THSD7A: variants seen among roughly 807,000 people sequenced by gnomAD.
THSD7A encodes the protein thrombospondin type 1 domain containing 7A, also known as thrombospondin type-1 domain-containing protein 7A.
A neutral mutation model predicts 231.3 loss-of-function variants in THSD7A; 96 were observed. The ratio of observed to expected loss-of-function variants is 0.41; its 90% confidence interval spans 0.35 to 0.49. The LOEUF (loss-of-function observed/expected upper bound fraction) is 0.49, where lower values mean the gene tolerates loss of function less well. Among genes scored for constraint, THSD7A ranks in the 20% least tolerant of loss-of-function variants. The pLI is 0.05. For synonymous variants in THSD7A, 940 were observed against 743.3 expected (o/e 1.26, Z -4.30); for missense variants, 2,290 against 2,070.2 (o/e 1.11, Z -2.06).
chr7:11,379,015 G>A, intron 26 of THSD7A, 55 bp downstream of exon 26: 3 of 1,543,394 alleles, frequency 1.9e-6, no homozygotes, highest in Non-Finnish European at 2.7e-6. Context: ...TAATCCTTTG[G>A]CATTGCCTAA....
At chr7:11,522,831 A>G (rs1439225508) in intron 6 of THSD7A, among the ~76,000 whole-genome samples, 3 of 152,156 alleles carry the variant, frequency 2.0e-5, no homozygotes, top group Non-Finnish European at 4.4e-5. Context: ...AAAAATATCA[A>G]TTCATAGCAC....
chr7:11,790,214 A>G (rs1209723896), intron 1 of THSD7A, among the ~76,000 whole-genome samples: 1 of 151,962 alleles, frequency 6.6e-6, no homozygotes, highest in Non-Finnish European at 1.5e-5. Flanking sequence ...TTGTTCAGAA[A>G]ATAAGGTAGA....
At chr7:11,584,226 C>T (rs1434671131) in intron 4 of THSD7A, among the ~76,000 whole-genome samples, 1 of 152,104 alleles carries the variant, frequency 6.6e-6, no homozygotes, top group African/African-American at 2.4e-5. Flanking sequence ...TAGTCAAGAC[C>T]TCAGTTCTGC....
chr7:11,736,533 CAATT>C (rs146996360), intron 1 of THSD7A, among the ~76,000 whole-genome samples: 32,193 of 151,478 alleles, frequency 0.21, 4,775 homozygotes, highest in African/African-American at 0.42. Flanking sequence ...ATATAGAACT[CAATT>C]AGGCTTTTAT....
intron 6 of THSD7A, among the ~76,000 whole-genome samples, chr7:11,491,916 T>G (rs1228927911): frequency 6.6e-6 from 1 of 152,076 alleles, no homozygotes; most frequent in East Asian, 1.9e-4. Flanking sequence ...TCTTTCTTTC[T>G]TTCTATTCTT....
At chr7:11,686,990 C>A (rs1302165594) in intron 1 of THSD7A, among the ~76,000 whole-genome samples, 1 of 151,774 alleles carries the variant, frequency 6.6e-6, no homozygotes, top group African/African-American at 2.4e-5. Flanking sequence ...GGAAAATAAA[C>A]AAACCCAAAT....
intron 6 of THSD7A, among the ~76,000 whole-genome samples, chr7:11,490,594 T>C (rs1786848884): frequency 6.6e-6 from 1 of 152,114 alleles, no homozygotes; most frequent in African/African-American, 2.4e-5. Context: ...AATGCACATG[T>C]ATTTTGAATA....
intron 1 of THSD7A, among the ~76,000 whole-genome samples, chr7:11,645,046 A>T (rs1184602576): frequency 6.6e-6 from 1 of 151,958 alleles, no homozygotes; most frequent in African/African-American, 2.4e-5. Context: ...CATGTTGCCC[A>T]ACTGATTTTT....
At chr7:11,785,085 A>T (rs890962248) in intron 1 of THSD7A, among the ~76,000 whole-genome samples, 1 of 152,054 alleles carries the variant, frequency 6.6e-6, no homozygotes, top group African/African-American at 2.4e-5. Flanking sequence ...GTCCCATAGC[A>T]TTGTTTCCTG....
At chr7:11,728,201 C>T (rs1014332344) in intron 1 of THSD7A, among the ~76,000 whole-genome samples, 2 of 151,936 alleles carry the variant, frequency 1.3e-5, no homozygotes, top group Non-Finnish European at 2.9e-5. Context: ...ATAAGAACTA[C>T]ATTAAGCAGT....
chr7:11,419,560 T>G (rs1583704985), intron 16 of THSD7A, among the ~76,000 whole-genome samples: 1 of 152,182 alleles, frequency 6.6e-6, no homozygotes, highest in Admixed American at 6.5e-5. Flanking sequence ...TAGTTCTTTA[T>G]AGCAGTGTGA....
At chr7:11,380,322 C>A (rs949109193) in intron 24 of THSD7A, among the ~76,000 whole-genome samples, 7 of 151,972 alleles carry the variant, frequency 4.6e-5, no homozygotes, top group Non-Finnish European at 7.4e-5. Context: ...AAGTGTAGTA[C>A]CAACTGTGCC....
intron 2 of THSD7A, among the ~76,000 whole-genome samples, chr7:11,610,847 ATT>A (rs949307879): frequency 6.6e-6 from 1 of 152,116 alleles, no homozygotes; most frequent in African/African-American, 2.4e-5. Flanking sequence ...TGTTGGCTAT[ATT>A]TTTATCTCAT....
At chr7:11,674,474 C>T (rs7776989) in intron 1 of THSD7A, among the ~76,000 whole-genome samples, 68,287 of 151,734 alleles carry the variant, frequency 0.45, 15,535 homozygotes, top group South Asian at 0.57. Flanking sequence ...GTTTTAAGTG[C>T]CACCTAGTAG....
chr7:11,407,023 G>T lies in THSD7A; in HGVS notation c.3949C>A (p.Pro1317Thr), dbSNP rs756591528. The T allele has an allele frequency of 6.2e-7, 1 of 1,613,860 alleles. No homozygotes were observed. Among genetic ancestry groups the T allele is most frequent in the Non-Finnish European group, 8.5e-7 (1 of 1,179,852 alleles). Residue 1317 changes from proline to threonine, a missense_variant, in exon 21 of 28, where the codon CCC (proline) becomes ACC (threonine). Transcript: ENST00000423059. ...CATGGTCTTCCATCACCTTGAAAGG[G>T]CTGGGTCACTGTTCGTCTTCGGATC... is the stretch of plus-strand genomic sequence containing the variant. ...KMIRRRTVTQ[P>T]FQGDGRPCPS...
At chr7:11,536,609 A>T (rs557079390) in intron 6 of THSD7A, among the ~76,000 whole-genome samples, 1 of 152,274 alleles carries the variant, frequency 6.6e-6, no homozygotes, top group African/African-American at 2.4e-5. Flanking sequence ...CTAGTGAATC[A>T]CTAAACCTGG....
At chr7:11,533,734 G>A (rs956662479) in intron 6 of THSD7A, among the ~76,000 whole-genome samples, 1 of 152,072 alleles carries the variant, frequency 6.6e-6, no homozygotes, top group Non-Finnish European at 1.5e-5. Context: ...AGGGCCTGTC[G>A]GGTGTGGGGA....
At position 11,477,553 on chromosome 7, in the gene THSD7A, T is replaced by C. The variant is rs75620986; in HGVS notation, c.2018-2985A>G. ...TTTATTCCTTTATTTATTTATATAA[T>C]ATGTGGATCCATGGTTTCCTATTTA... is the stretch of plus-strand genomic sequence containing the variant. On this transcript the variant is annotated intron_variant, in intron 7 of 27. Transcript: ENST00000423059. Among the ~76,000 whole-genome samples, 866 of 152,334 alleles carry C rather than the reference T, an allele frequency of 5.7e-3. 5 individuals are homozygous for C. Among genetic ancestry groups the C allele is most frequent in the Non-Finnish European group, 0.01 (706 of 68,036 alleles).
rs1380651592 is a variant in THSD7A, at chr7:11,515,306, G to A, written c.1822+26113C>T. On this transcript the variant is annotated intron_variant, in intron 6 of 27. Coordinates refer to ENST00000423059, the MANE Select transcript of THSD7A (RefSeq NM_015204.3). ...AACTGAATATTCACAGCTTCAACAA[G>A]TTTGCTATGGAACAACTGTAAGAGA... is the stretch of plus-strand genomic sequence containing the variant. 3.3e-5 allele frequency among the ~76,000 whole-genome samples: 5 copies of A among 152,172 alleles called. No individual in the cohort carries two copies. The East Asian group carries it at 9.7e-4, about 29-fold the overall frequency.
Sources: allele counts gnomAD v4.1 joint callset (sites outside exome capture counted in the v4.1 genomes callset), GRCh38; gene constraint gnomAD v4.1.1; transcripts MANE v1.5; gene names NCBI Gene and HGNC (gene_info 2026-07-23, HGNC 2026-07-21).